The following HNRNPC variants were observed in gnomAD, a reference collection of about 807,000 sequenced individuals.
HNRNPC encodes heterogeneous nuclear ribonucleoproteins C1/C2.
Under a neutral mutation model 33.2 loss-of-function variants are expected in HNRNPC, and 3 were observed. That is an observed-to-expected ratio of 0.09 (90% confidence interval 0.04 to 0.23). HNRNPC has a LOEUF of 0.23. Ranked by LOEUF, HNRNPC falls within the 10% of genes least tolerant of loss-of-function variation. The pLI, the probability that HNRNPC is intolerant of heterozygous loss-of-function variation, is 1.00. For synonymous variants in HNRNPC, 121 were observed against 126.7 expected (o/e 0.96, Z 0.30); for missense variants, 143 against 366.7 (o/e 0.39, Z 4.98).
At chr14:21,221,121 T>C (rs538353045) in intron 5 of HNRNPC, among the ~76,000 whole-genome samples, 1 of 152,320 alleles carries the variant, frequency 6.6e-6, no homozygotes, top group East Asian at 1.9e-4. Flanking sequence ...ACACAGCTAT[T>C]GTGCCTGTGA....
rs14865 is a variant in HNRNPC, at chr14:21,211,017, C to T, written c.*206G>A. On this transcript the variant is annotated 3_prime_UTR_variant, in exon 9 of 9. Coordinates refer to ENST00000553300, the MANE Select transcript of HNRNPC (RefSeq NM_004500.4). ...GCAAAAATTACAGGGTAAGACTTAA[C>T]AAAACTACTAGGAGCGTCAAAGGAA... is the stretch of plus-strand genomic sequence containing the variant. 17 of 589,396 alleles carry T rather than the reference C, an allele frequency of 2.9e-5. No individual in the cohort carries two copies. In the South Asian group the frequency reaches 3.4e-4, roughly 12 times the overall value. 36.5% of individuals were successfully genotyped at this position (589,396 alleles called of 1,614,324 possible).
intron 2 of HNRNPC, among the ~76,000 whole-genome samples, chr14:21,248,066 C>G (rs1896199951): frequency 6.6e-6 from 1 of 151,962 alleles, no homozygotes; most frequent in Non-Finnish European, 1.5e-5. Context: ...AATGAGGTCA[C>G]ATTTTAAATA....
At position 21,246,157 on chromosome 14, in the gene HNRNPC, T is replaced by C. The variant is rs140190083; in HGVS notation, c.-36-11928A>G. ...TATAATCTTAAGGGGCCATAATATA[T>C]GTGGTCTGTCATTCACCAAAACATC... On this transcript the variant is annotated intron_variant, in intron 2 of 8. Coordinates refer to ENST00000553300, the MANE Select transcript of HNRNPC (RefSeq NM_004500.4). 5.4e-3 allele frequency among the ~76,000 whole-genome samples: 817 copies of C among 152,242 alleles called. 11 individuals carry two copies. The highest frequency in any genetic ancestry group is 0.024 in the Admixed American group (373 of 15,278).
chr14:21,268,960 G>A (rs1217050051), intron 1 of HNRNPC, among the ~76,000 whole-genome samples: 4 of 151,896 alleles, frequency 2.6e-5, no homozygotes, highest in African/African-American at 7.3e-5. Context: ...TCGGCGCTAC[G>A]TTAACTTCGA....
chr14:21,254,037 T>C lies in HNRNPC; in HGVS notation c.-37+9274A>G, dbSNP rs567744412. ...GAGACCATGCCACTGCACTCCAGCC[T>C]GGGCTAGAGTGAGATTCCGTCTCAA... On this transcript the variant is annotated intron_variant, in intron 2 of 8. Transcript: ENST00000553300. Among the ~76,000 whole-genome samples, 5 of 137,172 alleles carry C rather than the reference T, an allele frequency of 3.6e-5. No individual in the cohort carries two copies. In the East Asian group the frequency reaches 1.1e-3, roughly 29 times the overall value. 90.0% of individuals were successfully genotyped at this position (137,172 alleles called of 152,430 possible).
At chr14:21,216,120 C>CAAAAAAAAAAAA (rs370660995) in intron 5 of HNRNPC, among the ~76,000 whole-genome samples, 3 of 87,840 alleles carry the variant, frequency 3.4e-5, no homozygotes, top group Non-Finnish European at 6.6e-5. Context: ...CCTCCACCAC[C>CAAAAAAAAAAAA]AAAAAAAAAA....
At chr14:21,239,440 C>T (rs937439299) in intron 2 of HNRNPC, among the ~76,000 whole-genome samples, 1 of 152,006 alleles carries the variant, frequency 6.6e-6, no homozygotes, top group Non-Finnish European at 1.5e-5. Context: ...GATAGCGCCA[C>T]TGCACTCCAG....
chr14:21,226,435 G>C (rs72675015), intron 5 of HNRNPC, among the ~76,000 whole-genome samples: 1 of 151,530 alleles, frequency 6.6e-6, no homozygotes, highest in Non-Finnish European at 1.5e-5. Context: ...TCTATTTTTA[G>C]AGTACTTCCC....
intron 6 of HNRNPC, 65 bp from the exon 7 acceptor site, chr14:21,211,988 C>A: frequency 8.1e-7 from 1 of 1,237,678 alleles, no homozygotes; most frequent in South Asian, 1.2e-5. Flanking sequence ...AGCAAATACA[C>A]TGCCACCAGA....
At chr14:21,229,368 CA>C (rs36094058) in intron 5 of HNRNPC, among the ~76,000 whole-genome samples, 68,333 of 112,204 alleles carry the variant, frequency 0.61, 18,213 homozygotes, top group African/African-American at 0.75. Flanking sequence ...GAGACTGTCT[CA>C]AAAAAAAAAA....
chr14:21,254,190 C>T (rs1048849379), intron 2 of HNRNPC, among the ~76,000 whole-genome samples: 1 of 151,896 alleles, frequency 6.6e-6, no homozygotes, highest in Non-Finnish European at 1.5e-5. Context: ...GTAGTTTTGA[C>T]TGTCCAAAGC....
At chr14:21,226,327 GAAAAAA>G (rs374686866) in intron 5 of HNRNPC, among the ~76,000 whole-genome samples, 1 of 110,610 alleles carries the variant, frequency 9.0e-6, no homozygotes, top group Non-Finnish European at 1.9e-5. Context: ...GTTTCCAAAA[GAAAAAA>G]AAAAAAAAAA....
At chr14:21,244,901 A>G (rs1048503756) in intron 2 of HNRNPC, among the ~76,000 whole-genome samples, 3 of 152,146 alleles carry the variant, frequency 2.0e-5, no homozygotes, top group South Asian at 2.1e-4. Flanking sequence ...CCAGACCAAT[A>G]TGGTGAAACC....
intron 5 of HNRNPC, among the ~76,000 whole-genome samples, chr14:21,219,238 T>C (rs1368978182): frequency 1.3e-5 from 2 of 152,290 alleles, no homozygotes; most frequent in Non-Finnish European, 2.9e-5. Context: ...GGAACAGATA[T>C]GATTGCTAGG....
intron 5 of HNRNPC, among the ~76,000 whole-genome samples, chr14:21,224,898 G>C (rs1893240096): frequency 6.6e-6 from 1 of 152,094 alleles, no homozygotes; most frequent in Non-Finnish European, 1.5e-5. Flanking sequence ...ACAGCACTCT[G>C]AAAACCTCTA....
At position 21,212,078 on chromosome 14, in the gene HNRNPC, TA is replaced by T. The variant is rs574679946; in HGVS notation, c.524-156del. ...TCTCGGTAATAAAGGCCCTTGGTTCTATTATAAAGCACGTTCTGTAATGGTT... is the reference window on the plus strand; with the variant it reads ...TCTCGGTAATAAAGGCCCTTGGTTCTTTATAAAGCACGTTCTGTAATGGTT... On this transcript the variant is annotated intron_variant, in intron 6 of 8. Transcript: ENST00000553300. The T allele has an allele frequency of 1.7e-3, 1,086 of 621,854 alleles. 18 individuals are homozygous for T. Among genetic ancestry groups the T allele is most frequent in the Admixed American group, 7.2e-4 (25 of 34,918 alleles). 38.5% of individuals were successfully genotyped at this position (621,854 alleles called of 1,614,324 possible). A position where few individuals can be genotyped will look rare whatever the true frequency, so the allele number is the denominator to read the frequency against.
intron 5 of HNRNPC, among the ~76,000 whole-genome samples, chr14:21,229,370 A>T (rs1438568533): frequency 3.9e-5 from 1 of 25,520 alleles, no homozygotes; most frequent in Non-Finnish European, 6.7e-5. Context: ...GACTGTCTCA[A>T]AAAAAAAAAA....
chr14:21,245,084 C>CAAAAAAAAAAAAAAAAA (rs71112560), intron 2 of HNRNPC, among the ~76,000 whole-genome samples: 5 of 54,614 alleles, frequency 9.2e-5, no homozygotes, highest in Non-Finnish European at 1.2e-4. Context: ...GACTCCATCT[C>CAAAAAAAAAAAAAAAAA]AAAAAAAAAA....
At chr14:21,253,144 A>T (rs1289944110) in intron 2 of HNRNPC, among the ~76,000 whole-genome samples, 1 of 149,358 alleles carries the variant, frequency 6.7e-6, no homozygotes, top group East Asian at 2.0e-4. Flanking sequence ...ACTGCACTCC[A>T]GCCTGGCAAC....
Sources: allele counts gnomAD v4.1 joint callset (sites outside exome capture counted in the v4.1 genomes callset), GRCh38; gene constraint gnomAD v4.1.1; transcripts MANE v1.5; gene names NCBI Gene and HGNC (gene_info 2026-07-23, HGNC 2026-07-21).